VWDE: variants seen among roughly 807,000 people sequenced by gnomAD.
The protein encoded by VWDE is von Willebrand factor D and EGF domain-containing protein.
In VWDE, 207 loss-of-function variants were observed where a neutral mutation model predicts 178.4. That is an observed-to-expected ratio of 1.16 (90% confidence interval 1.04 to 1.30). The LOEUF (loss-of-function observed/expected upper bound fraction) is 1.30. VWDE is among the 50% of genes most tolerant of loss of function. VWDE has a pLI of 0.00. For missense variants in VWDE, 2,287 were observed against 1,901.3 expected, an observed-to-expected ratio of 1.20 and a Z score of -3.77; for synonymous variants, 738 against 651.4, an observed-to-expected ratio of 1.13 and a Z score of -2.02.
chr7:12,335,550 G>A (rs1780973694), intron 27 of VWDE, among the ~76,000 whole-genome samples: 1 of 152,062 alleles, frequency 6.6e-6, no homozygotes, highest in Admixed American at 6.6e-5. Flanking sequence ...CTGCCTCCAG[G>A]GTTCACGCCA....
At chr7:12,395,650 A>ATTCATATAT (rs1265244945) in intron 1 of VWDE, among the ~76,000 whole-genome samples, 1 of 152,034 alleles carries the variant, frequency 6.6e-6, no homozygotes, top group Admixed American at 6.5e-5. Flanking sequence ...ATAATTTTAA[A>ATTCATATAT]TTCATATATT....
chr7:12,380,590 T>TAG lies in VWDE; in HGVS notation c.683_684dup (p.Arg229LeufsTer12). Reference sequence around the variant, plus strand: ...TCTTTGACTTCTTGAGAAGAAAGCCTAGACCAAGCTATGTGAAATCCCACT... The same window carrying TAG: ...TCTTTGACTTCTTGAGAAGAAAGCCTAGAGACCAAGCTATGTGAAATCCCACT... On this transcript the variant is annotated frameshift_variant, in exon 5 of 29. Transcript: ENST00000275358. LOFTEE classifies it high-confidence loss of function. 6.4e-7 allele frequency: 1 copy of TAG among 1,552,318 alleles called. No homozygotes were observed. The highest frequency in any genetic ancestry group is 8.7e-7 in the Non-Finnish European group (1 of 1,147,132).
At position 12,390,904 on chromosome 7, in the gene VWDE, A is replaced by C. The variant is rs1432875363; in HGVS notation, c.244-1546T>G. 2.0e-5 allele frequency among the ~76,000 whole-genome samples: 3 copies of C among 152,156 alleles called. No homozygotes were observed. The East Asian group carries it at 5.8e-4, about 29-fold the overall frequency. ...CTTATAAAAATCAATCTTACTAAAG[A>C]CACTAAAATTAAAACAATAATTACA... On this transcript the variant is annotated intron_variant, in intron 2 of 28. Coordinates refer to ENST00000275358, the MANE Select transcript of VWDE (RefSeq NM_001135924.3).
chr7:12,391,841 T>A (rs1784404811), intron 2 of VWDE, among the ~76,000 whole-genome samples: 1 of 152,178 alleles, frequency 6.6e-6, no homozygotes, highest in Non-Finnish European at 1.5e-5. Context: ...TGCTAAGACA[T>A]AATCTTATAT....
At chr7:12,378,491 T>A (rs1783662973) in intron 6 of VWDE, among the ~76,000 whole-genome samples, 1 of 152,196 alleles carries the variant, frequency 6.6e-6, no homozygotes, top group South Asian at 2.1e-4. Context: ...AAACCTTTTT[T>A]GAGGCAGGAA....
intron 19 of VWDE, among the ~76,000 whole-genome samples, chr7:12,347,796 A>C (rs1421643608): frequency 3.9e-5 from 6 of 152,092 alleles, no homozygotes; most frequent in Non-Finnish European, 7.4e-5. Flanking sequence ...ACAAAGCTGG[A>C]GGCATCACAC....
At chr7:12,359,963 ATC>A (rs1010647979) in intron 15 of VWDE, among the ~76,000 whole-genome samples, 134 of 152,194 alleles carry the variant, frequency 8.8e-4, no homozygotes, top group African/African-American at 2.7e-3. Context: ...ATGGGAGAAA[ATC>A]TCTCTTTTGG....
chr7:12,368,850 T>C (rs750612987), intron 12 of VWDE, among the ~76,000 whole-genome samples: 13 of 152,082 alleles, frequency 8.5e-5, no homozygotes, highest in African/African-American at 1.4e-4. Context: ...GATTTGCTGC[T>C]AATGAATTAA....
At chr7:12,346,628 G>GT (rs1355868550) in intron 19 of VWDE, among the ~76,000 whole-genome samples, 4 of 151,028 alleles carry the variant, frequency 2.6e-5, no homozygotes, top group African/African-American at 9.8e-5. Flanking sequence ...GGGGCGGGGG[G>GT]GATCATTATT....
intron 18 of VWDE, among the ~76,000 whole-genome samples, chr7:12,355,293 G>C (rs1562478625): frequency 6.6e-6 from 1 of 151,936 alleles, no homozygotes; most frequent in Non-Finnish European, 1.5e-5. Flanking sequence ...GCGGGCGCCT[G>C]TAGTCCCAGC....
At position 12,333,469 on chromosome 7, in the gene VWDE, AT is replaced by A; in HGVS notation, c.4753del (p.Ile1585TyrfsTer3). 6.5e-7 allele frequency: 1 copy of A among 1,538,416 alleles called. No homozygotes were observed. Among genetic ancestry groups the A allele is most frequent in the Non-Finnish European group, 8.8e-7 (1 of 1,137,902 alleles). The part of the protein sequence containing the change: ...EYSGVKCEKK[I>X]QIRRH Reference sequence around the variant, plus strand: ...TCTCTTTAAACTCTGAAATACCTGTATTTTCTTCTCACATTTGACTCCAGAG... The same window carrying A: ...TCTCTTTAAACTCTGAAATACCTGTATTTCTTCTCACATTTGACTCCAGAG... On this transcript the variant is annotated frameshift_variant, in exon 28 of 29. Coordinates refer to ENST00000275358, the MANE Select transcript of VWDE (RefSeq NM_001135924.3). LOFTEE classifies it high-confidence loss of function.
intron 5 of VWDE, 127 bp from the exon 6 acceptor site, chr7:12,379,693 T>C: frequency 1.7e-6 from 1 of 592,420 alleles, no homozygotes; most frequent in Non-Finnish European, 2.7e-6. Flanking sequence ...AAGAATTAAA[T>C]AATTTAAAAG....
chr7:12,399,408 AAC>A (rs1196791844), intron 1 of VWDE, among the ~76,000 whole-genome samples: 1 of 152,200 alleles, frequency 6.6e-6, no homozygotes, highest in African/African-American at 2.4e-5. Context: ...TGAACCTAAT[AAC>A]AGAGCACTGA....
intron 1 of VWDE, among the ~76,000 whole-genome samples, chr7:12,399,643 C>T (rs181129134): frequency 1.0e-3 from 158 of 152,054 alleles, no homozygotes; most frequent in African/African-American, 3.6e-3. Flanking sequence ...ATGGAATATT[C>T]GCCAAAATAG....
At position 12,389,233 on chromosome 7, in the gene VWDE, T is replaced by C. The variant is rs1404363151; in HGVS notation, c.369A>G (p.Thr123=). The change falls in exon 3 of 29, where the codon ACA becomes ACG. Residue 123 remains threonine (T), a synonymous_variant. Coordinates refer to ENST00000275358, the MANE Select transcript of VWDE (RefSeq NM_001135924.3). ...CATWQFLFST[T]KDCCLFQIPV... ...GGATTTGAAAGAGACAGCAGTCTTT[T>C]GTAGTGCTGAACAAAAACTGCCATG... 12 of 1,551,718 alleles carry C rather than the reference T, an allele frequency of 7.7e-6. No individual in the cohort carries two copies. Among genetic ancestry groups the C allele is most frequent in the Non-Finnish European group, 8.7e-6 (10 of 1,146,994 alleles).
rs200053133 is a variant in VWDE at position 12,341,484 on chromosome 7, T to C, written c.4270+575A>G. On this transcript the variant is annotated intron_variant, in intron 23 of 28. Coordinates refer to ENST00000275358, the MANE Select transcript of VWDE (RefSeq NM_001135924.3). ...CCGTCTCTACTAAAAATACAAAAAT[T>C]AGCTAGGCATGGTGGCATGCTCCTG... 9.2e-4 allele frequency among the ~76,000 whole-genome samples: 140 copies of C among 151,856 alleles called. No individual in the cohort carries two copies. The East Asian group carries it at 0.024, about 26-fold the overall frequency.
chr7:12,359,352 C>G (rs1782445300), intron 16 of VWDE, among the ~76,000 whole-genome samples: 1 of 152,122 alleles, frequency 6.6e-6, no homozygotes, highest in Non-Finnish European at 1.5e-5. Context: ...TTGTGTGTAG[C>G]TGAGTTAATA....
chr7:12,398,858 TA>T (rs1784749652), intron 1 of VWDE, among the ~76,000 whole-genome samples: 1 of 151,786 alleles, frequency 6.6e-6, no homozygotes, highest in Non-Finnish European at 1.5e-5. Context: ...CCCACAGACA[TA>T]AAGATGGGAA....
chr7:12,403,440 G>T (rs867940247), intron 1 of VWDE, among the ~76,000 whole-genome samples: 1 of 152,200 alleles, frequency 6.6e-6, no homozygotes, highest in African/African-American at 2.4e-5. Context: ...GGCAACAACC[G>T]CATGTGCGCA....
Sources: gnomAD v4.1 joint callset for allele counts (sites outside exome capture counted in the v4.1 genomes callset) on GRCh38, gnomAD v4.1.1 for gene constraint, MANE v1.5 for transcripts, NCBI Gene and HGNC (gene_info 2026-07-23, HGNC 2026-07-21) for gene names.